Variants in ACTMAP observed in about 807,000 individuals in gnomAD.
ACTMAP encodes actin maturation protease.
At chr19:40,745,067 A>G in the ACTMAP span, 14 of 1,524,576 alleles carry the variant, frequency 9.2e-6, no homozygotes, top group African/African-American at 1.4e-5. Context: ...AGTCCTTAAG[A>G]AGCCCAGCAA....
chr19:40,747,885 A>G, the ACTMAP span, among the ~76,000 whole-genome samples: 1 of 151,728 alleles, frequency 6.6e-6, no homozygotes, highest in Non-Finnish European at 1.5e-5. Flanking sequence ...CAAACAAACA[A>G]ACAGCTTGGA....
the ACTMAP span, chr19:40,743,887 A>C: frequency 2.5e-6 from 4 of 1,613,360 alleles, no homozygotes; most frequent in Non-Finnish European, 3.4e-6. Flanking sequence ...GGGTGCAGAC[A>C]AAGGAGGGGG....
At chr19:40,746,215 TTTG>T in the ACTMAP span, among the ~76,000 whole-genome samples, 3 of 151,668 alleles carry the variant, frequency 2.0e-5, no homozygotes, top group Non-Finnish European at 2.9e-5. Flanking sequence ...TTCCTTTTTG[TTTG>T]TTTGTTTGTT....
At chr19:40,745,163 G>T in the ACTMAP span, 2 of 1,551,908 alleles carry the variant, frequency 1.3e-6, no homozygotes, top group Admixed American at 3.9e-5. Flanking sequence ...CGGCAGGTCT[G>T]CACAGAAGAG....
At chr19:40,744,811 C>G in the ACTMAP span, 1 of 1,346,256 alleles carries the variant, frequency 7.4e-7, no homozygotes, top group Middle Eastern at 2.1e-4. Context: ...CGAGGGAGAC[C>G]TGACTCCCCT....
chr19:40,750,477 T>C, the ACTMAP span: 1 of 152,160 alleles, frequency 6.6e-6, no homozygotes, highest in Admixed American at 6.5e-5. Context: ...CACCTCCCAC[T>C]CCCGGAAAAT....
the ACTMAP span, chr19:40,742,303 G>A: frequency 1.1e-6 from 1 of 906,946 alleles, no homozygotes; most frequent in Admixed American, 2.4e-5. Flanking sequence ...GCAGGGGGTG[G>A]CCCTGATGAA....
chr19:40,749,885 A>C, the ACTMAP span: 2 of 1,126,556 alleles, frequency 1.8e-6, no homozygotes, highest in Non-Finnish European at 2.4e-6. Context: ...TCAGGGATGG[A>C]GATTTTAAAG....
At chr19:40,749,693 G>A in the ACTMAP span, 2 of 1,530,392 alleles carry the variant, frequency 1.3e-6, no homozygotes, top group East Asian at 2.5e-5. Context: ...AAGCTGAAAA[G>A]TCCAGGGGAC....
the ACTMAP span, chr19:40,742,259 C>T: frequency 1.3e-6 from 1 of 754,738 alleles, no homozygotes; most frequent in South Asian, 1.5e-5. Context: ...TGTTGTCAAT[C>T]TCTCCCTAGA....
chr19:40,743,768 C>G, the ACTMAP span: 2 of 1,081,010 alleles, frequency 1.9e-6, no homozygotes, highest in Non-Finnish European at 2.7e-6. Flanking sequence ...CACCTGGGGC[C>G]CAGCCTGCCC....
chr19:40,744,635 G>C, the ACTMAP span: 63 of 1,613,524 alleles, frequency 3.9e-5, no homozygotes, highest in Non-Finnish European at 4.5e-5. Context: ...GGACGCCACT[G>C]GGGGGCGACA....
chr19:40,745,898 C>G, the ACTMAP span, among the ~76,000 whole-genome samples: 67 of 152,312 alleles, frequency 4.4e-4, 2 homozygotes, highest in South Asian at 0.014. Context: ...TCTCGAATTC[C>G]TGACCTCAGG....
At chr19:40,742,487 C>T in the ACTMAP span, 5 of 1,501,562 alleles carry the variant, frequency 3.3e-6, no homozygotes, top group Middle Eastern at 1.8e-4. Context: ...AGAGGCCAGC[C>T]CGTACCCCAC....
the ACTMAP span, chr19:40,744,758 G>A: frequency 1.1e-5 from 16 of 1,510,348 alleles, no homozygotes; most frequent in African/African-American, 4.2e-5. Flanking sequence ...TGGGGAACAG[G>A]TTTGCTGCCC....
chr19:40,745,276 C>T, the ACTMAP span: 34 of 1,366,864 alleles, frequency 2.5e-5, no homozygotes, highest in African/African-American at 3.3e-4. Context: ...TGGGAGTGGT[C>T]GTATCCAGGG....
chr19:40,745,272 T>G, the ACTMAP span: 1 of 1,459,608 alleles, frequency 6.9e-7, no homozygotes, highest in South Asian at 1.2e-5. Flanking sequence ...TGGCTGGGAG[T>G]GGTCGTATCC....
At chr19:40,742,327 C>G in the ACTMAP span, 2 of 1,157,474 alleles carry the variant, frequency 1.7e-6, no homozygotes, top group Non-Finnish European at 1.2e-6. Context: ...GGACTGGAGA[C>G]CCCTGAGACC....
the ACTMAP span, chr19:40,742,658 TG>T: frequency 6.2e-7 from 1 of 1,613,358 alleles, no homozygotes. Context: ...AGCCCTCCTC[TG>T]GCAGGGATGG....
Sources: gnomAD v4.1 joint callset for allele counts (sites outside exome capture counted in the v4.1 genomes callset) on GRCh38, gnomAD v4.1.1 for gene constraint, MANE v1.5 for transcripts, NCBI Gene and HGNC (gene_info 2026-07-23, HGNC 2026-07-21) for gene names.